ZNF24: variants seen among roughly 807,000 people sequenced by gnomAD.
ZNF24 encodes the protein zinc finger protein 24.
In ZNF24, 11 loss-of-function variants were observed where a neutral mutation model predicts 40.9. That is an observed-to-expected ratio of 0.27 (90% CI 0.17 to 0.45). ZNF24 has a LOEUF of 0.45. Ranked by LOEUF, ZNF24 falls within the 20% of genes least tolerant of loss-of-function variation. The pLI, the probability that ZNF24 is intolerant of heterozygous loss-of-function variation, is 1.00. For missense variants in ZNF24, 293 were observed against 437.7 expected, an observed-to-expected ratio of 0.67 and a Z score of 2.95; for synonymous variants, 139 against 154.7, an observed-to-expected ratio of 0.90 and a Z score of 0.75.
chr18:35,336,408 T>C lies in ZNF24; in HGVS notation c.*824A>G, dbSNP rs2044910378. On this transcript the variant is annotated 3_prime_UTR_variant, in exon 4 of 4. Transcript: ENST00000261332. The stretch of plus-strand genomic sequence containing the variant: ...TTATGTTTACATTTGCCTTCAACAC[T>C]GCCATCCGCTACAAATTTTTCCCTA... 1 of 152,252 alleles carries C rather than the reference T, an allele frequency of 6.6e-6. No homozygotes were observed. The highest frequency in any genetic ancestry group is 1.5e-5 in the Non-Finnish European group (1 of 68,030). 9.4% of individuals were successfully genotyped at this position (152,252 alleles called of 1,614,324 possible).
intron 1 of ZNF24, chr18:35,342,336 A>T (rs545697542): frequency 6.6e-6 from 1 of 152,324 alleles, no homozygotes; most frequent in East Asian, 1.9e-4. Context: ...GTAAGTGAAA[A>T]AGTTCCAGTA....
intron 1 of ZNF24, among the ~76,000 whole-genome samples, chr18:35,342,057 G>A (rs775845976): frequency 6.6e-6 from 1 of 152,092 alleles, no homozygotes; most frequent in Non-Finnish European, 1.5e-5. Flanking sequence ...TTAGCTGGGC[G>A]TGGTGGATTG....
At chr18:35,339,031 GTGGCATA>G (rs1310420051) in intron 3 of ZNF24, 2 of 1,536,004 alleles carry the variant, frequency 1.3e-6, no homozygotes, top group Non-Finnish European at 1.7e-6. Context: ...ACCTCATTCA[GTGGCATA>G]CCAGCACCAT....
rs1423089710 is a variant in ZNF24 at position 35,337,663 on chromosome 18, T to C, written c.676A>G (p.Ile226Val). ...PGTLNMGVPQ[I>V]FKYGETCFPK... ...AAACAGGTTTCTCCATATTTAAAAA[T>C]TTGAGGAACACCCATATTGAGAGTG... is the stretch of plus-strand genomic sequence containing the variant. Residue 226 changes from isoleucine to valine, a missense_variant, in exon 4 of 4, where the codon ATT (isoleucine) becomes GTT (valine). Ile to Val is a conservative substitution (Grantham distance 29). Coordinates refer to ENST00000261332, the MANE Select transcript of ZNF24 (RefSeq NM_006965.4). The C allele has an allele frequency of 3.1e-6, 5 of 1,613,810 alleles. No homozygotes were observed. The African/African-American group carries it at 6.7e-5, about 22-fold the overall frequency.
chr18:35,338,750 C>A, intron 3 of ZNF24: 3 of 1,221,756 alleles, frequency 2.5e-6, no homozygotes, highest in Non-Finnish European at 3.1e-6. Context: ...TAAGTGGAGA[C>A]AAACGGCACA....
rs572264727 is a variant in ZNF24, at chr18:35,340,609, G to A, written c.42C>T (p.Ile14=). 5.6e-6 allele frequency: 9 copies of A among 1,613,930 alleles called. No homozygotes were observed. The Admixed American group carries it at 6.7e-5, about 12-fold the overall frequency. ...TTTTTTCCTCTTCATCTGGAGTTGG[G>A]ATGATAAGTATTGAATCTTCTTCCA... is the stretch of plus-strand genomic sequence containing the variant. ...QSVEEDSILI[I]PTPDEEEKIL... Residue 14 remains isoleucine, a synonymous_variant, in exon 2 of 4, where the codon ATC becomes ATT. Coordinates refer to ENST00000261332, the MANE Select transcript of ZNF24 (RefSeq NM_006965.4). This position sits in a 1 kb window ranked among gnomAD's most constrained non-coding sequence, Gnocchi z 4.6.
Position 35,334,811 on chromosome 18 carries a change from T to C in ZNF24, c.*2421A>G, listed in dbSNP as rs1355096188. 1 of 152,210 alleles carries C rather than the reference T, an allele frequency of 6.6e-6. No homozygotes were observed. Among genetic ancestry groups the C allele is most frequent in the Non-Finnish European group, 1.5e-5 (1 of 68,034 alleles). 9.4% of individuals were successfully genotyped at this position (152,210 alleles called of 1,614,324 possible). ...AGTGGGGACTAAGCCTAACCAGAGA[T>C]AGAAAGTACACATCTCATCATTTCC... On this transcript the variant is annotated 3_prime_UTR_variant, in exon 4 of 4. Transcript: ENST00000261332.
intron 3 of ZNF24, chr18:35,338,239 C>T: frequency 1.0e-6 from 1 of 985,656 alleles, no homozygotes; most frequent in Non-Finnish European, 1.2e-6. Context: ...ATGAACAAGC[C>T]AAGTCAGGTC....
At chr18:35,339,740 TCCC>T (rs2044947756) in intron 3 of ZNF24, 86 bp downstream of exon 3, 2 of 1,190,466 alleles carry the variant, frequency 1.7e-6, no homozygotes, top group East Asian at 2.5e-5. Context: ...AGTGATATGA[TCCC>T]CCCACCAGTG....
chr18:35,344,266 A>T (rs2044996969), intron 1 of ZNF24, 94 bp downstream of exon 1: 1 of 152,352 alleles, frequency 6.6e-6, no homozygotes, highest in African/African-American at 2.4e-5. Context: ...AAGCTGAGGA[A>T]GGTCCCGGAC....
At position 35,333,487 on chromosome 18, in the gene ZNF24, T is replaced by C. The variant is rs532812711; in HGVS notation, c.*3745A>G. The C allele has an allele frequency of 3.9e-5, 6 of 152,266 alleles. No homozygotes were observed. The South Asian group carries it at 1.2e-3, about 32-fold the overall frequency. The allele number at this position is 152,266 out of a possible 1,614,324, so 9.4% of individuals were successfully genotyped here. ...CAATGAGAAGGTAGTCATTAGACTT[T>C]CATAATTAAAAAAAGGAAAATGGGC... is the stretch of plus-strand genomic sequence containing the variant. On this transcript the variant is annotated 3_prime_UTR_variant, in exon 4 of 4. Coordinates refer to ENST00000261332, the MANE Select transcript of ZNF24 (RefSeq NM_006965.4).
chr18:35,339,551 C>T (rs1480679428), intron 3 of ZNF24, among the ~76,000 whole-genome samples: 1 of 152,134 alleles, frequency 6.6e-6, no homozygotes, highest in Non-Finnish European at 1.5e-5. Flanking sequence ...AATAGAGGGA[C>T]TTGGTCCATG....
At position 35,334,211 on chromosome 18, in the gene ZNF24, T is replaced by C. The variant is rs2044883654; in HGVS notation, c.*3021A>G. On this transcript the variant is annotated 3_prime_UTR_variant, in exon 4 of 4. Coordinates refer to ENST00000261332, the MANE Select transcript of ZNF24 (RefSeq NM_006965.4). ...CACTGTAAAAAATTCAAACCAGCAA[T>C]GTTTAATAGCTTTCACATTTGTTAA... 6.6e-6 allele frequency: 1 copy of C among 152,196 alleles called. No individual in the cohort carries two copies. The highest frequency in any genetic ancestry group is 6.5e-5 in the Admixed American group (1 of 15,286). The allele number at this position is 152,196 out of a possible 1,614,324, so 9.4% of individuals were successfully genotyped here.
Position 35,337,659 on chromosome 18 carries a change from A to C in ZNF24, c.680T>G (p.Phe227Cys), listed in dbSNP as rs2044923739. The change falls in exon 4 of 4, where the codon TTT becomes TGT. Residue 227 changes from phenylalanine (F) to cysteine (C), a missense_variant. Phe to Cys is a radical substitution (Grantham distance 205). This residue lies in a region of ZNF24 where 234 missense variants were observed against 299.2 expected (regional missense o/e 0.78). Transcript: ENST00000261332. ...GGGGAAACAGGTTTCTCCATATTTA[A>C]AAATTTGAGGAACACCCATATTGAG... Reference protein sequence around the residue: ...GTLNMGVPQIFKYGETCFPKG... With the variant: ...GTLNMGVPQICKYGETCFPKG... 1 of 1,613,926 alleles carries C rather than the reference A, an allele frequency of 6.2e-7. No individual in the cohort carries two copies. Among genetic ancestry groups the C allele is most frequent in the Non-Finnish European group, 8.5e-7 (1 of 1,179,982 alleles).
At chr18:35,338,638 A>C (rs2044934638) in intron 3 of ZNF24, 1 of 1,006,332 alleles carries the variant, frequency 9.9e-7, no homozygotes, top group African/African-American at 1.7e-5. Context: ...TAAATAATTA[A>C]CAAAAAGATC....
rs1307205788 is a variant in ZNF24, at chr18:35,333,863, AAATAAATTACAG to A, written c.*3357_*3368del. The A allele has an allele frequency of 2.6e-5, 4 of 152,220 alleles. No individual in the cohort carries two copies. Among genetic ancestry groups the A allele is most frequent in the African/African-American group, 9.6e-5 (4 of 41,470 alleles). 9.4% of individuals were successfully genotyped at this position (152,220 alleles called of 1,614,324 possible). ...CCTAATTATCAATCCATAGGGGATTAAATAAATTACAGAATATTCATGCAATGGAATAGTATA... is the reference window on the plus strand; with the variant it reads ...CCTAATTATCAATCCATAGGGGATTAAATATTCATGCAATGGAATAGTATA... On this transcript the variant is annotated 3_prime_UTR_variant, in exon 4 of 4. Transcript: ENST00000261332.
chr18:35,339,038 A>T (rs751037773), intron 3 of ZNF24: 61 of 1,535,994 alleles, frequency 4.0e-5, no homozygotes, highest in Non-Finnish European at 4.9e-5. Context: ...TCAGTGGCAT[A>T]CCAGCACCAT....
At position 35,337,765 on chromosome 18, in the gene ZNF24, C is replaced by A; in HGVS notation, c.574G>T (p.Asp192Tyr). The stretch of plus-strand genomic sequence containing the variant: ...AGTGCTCCATTTTCAGTCCTACCAT[C>A]ATCATCTGAAATAAACAGAAAATGT... ...ELHSLRHCDDDGRTENGALAP... is the reference protein window; with the variant it reads ...ELHSLRHCDDYGRTENGALAP... Residue 192 changes from aspartate to tyrosine, a missense_variant, in exon 4 of 4, where the codon GAT (aspartate) becomes TAT (tyrosine). Physicochemically the swap from Asp to Tyr is radical, Grantham distance 160. Coordinates refer to ENST00000261332, the MANE Select transcript of ZNF24 (RefSeq NM_006965.4). 1 of 1,558,000 alleles carries A rather than the reference C, an allele frequency of 6.4e-7. No individual in the cohort carries two copies. Among genetic ancestry groups the A allele is most frequent in the Admixed American group, 2.0e-5 (1 of 49,536 alleles).
intron 1 of ZNF24, chr18:35,342,788 C>T (rs999554334): frequency 6.6e-5 from 10 of 152,238 alleles, no homozygotes; most frequent in African/African-American, 2.4e-4. Flanking sequence ...TAACATATTT[C>T]TCAGACCATA....
Sources: allele counts gnomAD v4.1 joint callset (sites outside exome capture counted in the v4.1 genomes callset), GRCh38; gene constraint gnomAD v4.1.1; regional missense constraint gnomAD v4.1.1; non-coding constraint Gnocchi (gnomAD v3.1); transcripts MANE v1.5; gene names NCBI Gene and HGNC (gene_info 2026-07-23, HGNC 2026-07-21).